ARL17B: variants seen among roughly 807,000 people sequenced by gnomAD.
The protein encoded by ARL17B is ARF like GTPase 17B, also known as ADP-ribosylation factor-like protein 17.
At chr17:46,289,270 C>G in intron 4 of ARL17B, among the ~76,000 whole-genome samples, 1 of 152,194 alleles carries the variant, frequency 6.6e-6, no homozygotes, top group Non-Finnish European at 1.5e-5. Flanking sequence ...ATAGCCTTGA[C>G]CTGCCAGGCT....
chr17:46,278,214 G>A (rs2049646083), intron 4 of ARL17B, among the ~76,000 whole-genome samples: 1 of 151,900 alleles, frequency 6.6e-6, no homozygotes, highest in African/African-American at 2.4e-5. Flanking sequence ...CCCAAGTGCT[G>A]GGATTACAGG....
downstream of ARL17B, chr17:46,332,719 T>A (rs1407649455): frequency 3.1e-6 from 2 of 644,160 alleles, no homozygotes; most frequent in Non-Finnish European, 5.1e-6. Context: ...GATTCAGAGC[T>A]CACAAACTGA....
intron 3 of ARL17B, among the ~76,000 whole-genome samples, chr17:46,319,253 A>AT (rs1369749031): frequency 6.5e-4 from 2 of 3,072 alleles, no homozygotes; most frequent in Admixed American, 3.4e-3. Context: ...TTTTTTTGCT[A>AT]TTTTTTTTGG....
intron 4 of ARL17B, among the ~76,000 whole-genome samples, chr17:46,290,757 T>C (rs995627899): frequency 2.8e-4 from 42 of 152,220 alleles, no homozygotes; most frequent in Admixed American, 6.5e-4. Context: ...TCTGAAGCTA[T>C]AGTTTTATAG....
In ARL17B at chr17:46,308,041, T is replaced by A; in HGVS notation, c.260-8376A>T. 2.7e-5 allele frequency among the ~76,000 whole-genome samples: 2 copies of A among 72,972 alleles called. 1 individual carries two copies. The highest frequency in any genetic ancestry group is 5.2e-4 in the East Asian group (2 of 3,868). The allele number at this position is 72,972 out of a possible 152,430, so 47.9% of individuals were successfully genotyped here. A position where few individuals can be genotyped will look rare whatever the true frequency, so the allele number is the denominator to read the frequency against. On this transcript the variant is annotated intron_variant, in intron 3 of 4. Transcript: ENST00000434041. The stretch of plus-strand genomic sequence containing the variant: ...AATAATAATAATATAATAATAATAA[T>A]CATCATCATCATCTAGCCAGCTTCA...
Position 46,277,931 on chromosome 17 carries a change from C to A in ARL17B, c.*22-2513G>T, listed in dbSNP as rs144470857. 1.9e-3 allele frequency among the ~76,000 whole-genome samples: 290 copies of A among 152,162 alleles called. 2 individuals are homozygous for A. The highest frequency in any genetic ancestry group is 3.6e-3 in the African/African-American group (151 of 41,524). On this transcript the variant is annotated intron_variant, in intron 4 of 4. Transcript: ENST00000570618. The stretch of plus-strand genomic sequence containing the variant: ...TGCTAGGATTACGGACATGAGCCAC[C>A]ATGCCTGGTCTGGGTAGATTTTTTT...
chr17:46,291,969 C>CAAAAAAAAAAAAAAAAAAAAAAAAA (rs59554870), intron 4 of ARL17B, among the ~76,000 whole-genome samples: 1 of 58,090 alleles, frequency 1.7e-5, no homozygotes, highest in African/African-American at 7.2e-5. Flanking sequence ...TCTCAAAAAG[C>CAAAAAAAAAAAAAAAAAAAAAAAAA]AAAAAAAAAA....
chr17:46,277,915 T>A (rs1419569159), intron 4 of ARL17B, among the ~76,000 whole-genome samples: 7 of 152,142 alleles, frequency 4.6e-5, no homozygotes, highest in Non-Finnish European at 8.8e-5. Context: ...GTGCTAGGAT[T>A]ACGGACATGA....
chr17:46,275,431 G>T, intron 4 of ARL17B: 1 of 917,338 alleles, frequency 1.1e-6, no homozygotes, highest in South Asian at 1.4e-5. Flanking sequence ...ACAGAGTATA[G>T]AAAAAGGGAA....
intron 4 of ARL17B, among the ~76,000 whole-genome samples, chr17:46,283,596 C>G (rs1210861782): frequency 6.6e-6 from 1 of 152,216 alleles, no homozygotes; most frequent in African/African-American, 2.4e-5. Flanking sequence ...AAAGCTTGGT[C>G]GGAAGACCTT....
intron 4 of ARL17B, among the ~76,000 whole-genome samples, chr17:46,279,046 C>T (rs996001425): frequency 3.5e-4 from 53 of 152,302 alleles, no homozygotes; most frequent in African/African-American, 1.0e-3. Flanking sequence ...GATCCACATG[C>T]CTTGGCCTCC....
intron 4 of ARL17B, among the ~76,000 whole-genome samples, chr17:46,280,458 G>A (rs971950063): frequency 2.6e-5 from 4 of 152,128 alleles, no homozygotes; most frequent in Non-Finnish European, 4.4e-5. Context: ...CGGGAGGATC[G>A]CTTGAGCTCA....
At chr17:46,306,068 A>G (rs1358351577) in intron 3 of ARL17B, among the ~76,000 whole-genome samples, 1 of 80,906 alleles carries the variant, frequency 1.2e-5, no homozygotes, top group Admixed American at 1.3e-4. Context: ...GTGCAGTGTT[A>G]AAGTATAAAT....
rs1277539568 is a variant in ARL17B at position 46,340,907 on chromosome 17, C to CTT, written c.260-1135_260-1134dup. ...CCTAGAAAAAGGGACCTCTTTTATT[C>CTT]TTTTTTTTTTTTTTTCCAGAGACGG... On this transcript the variant is annotated intron_variant, in intron 3 of 3. Coordinates refer to ENST00000450673, the MANE Select transcript of ARL17B (RefSeq NM_001039083.5). 5.3e-5 allele frequency among the ~76,000 whole-genome samples: 4 copies of CTT among 76,110 alleles called. No individual in the cohort carries two copies. The South Asian group carries it at 1.5e-3, about 29-fold the overall frequency. 49.9% of individuals were successfully genotyped at this position (76,110 alleles called of 152,430 possible). A position where few individuals can be genotyped will look rare whatever the true frequency, so the allele number is the denominator to read the frequency against.
At chr17:46,317,152 C>A (rs1367522855) in intron 3 of ARL17B, among the ~76,000 whole-genome samples, 2 of 88,570 alleles carry the variant, frequency 2.3e-5, no homozygotes, top group African/African-American at 6.0e-5. Flanking sequence ...GGGTGGCGGC[C>A]GGGCAGAGGC....
chr17:46,332,848 C>T (rs1324690582), downstream of ARL17B, among the ~76,000 whole-genome samples: 1 of 149,582 alleles, frequency 6.7e-6, no homozygotes, highest in Non-Finnish European at 1.5e-5. Context: ...AAAGGATCCT[C>T]GCTTTCAGAT....
chr17:46,276,542 G>A (rs1417031138), intron 4 of ARL17B, among the ~76,000 whole-genome samples: 2 of 152,110 alleles, frequency 1.3e-5, no homozygotes, highest in Non-Finnish European at 2.9e-5. Context: ...GAATATGGAT[G>A]GTATAAATGA....
chr17:46,276,793 T>TC, intron 4 of ARL17B, among the ~76,000 whole-genome samples: 1 of 150,366 alleles, frequency 6.7e-6, no homozygotes, highest in East Asian at 1.9e-4. Flanking sequence ...TTTTTTTCTT[T>TC]TTTTTTTTTT....
rs1410808478 is a variant in ARL17B, at chr17:46,327,301, C to G, written c.259+25519G>C. Among the ~76,000 whole-genome samples, 4 of 57,660 alleles carry G rather than the reference C, an allele frequency of 6.9e-5. No homozygotes were observed. In the Admixed American group the frequency reaches 7.7e-4, roughly 11 times the overall value. 37.8% of individuals were successfully genotyped at this position (57,660 alleles called of 152,430 possible). Reference sequence around the variant, plus strand: ...CTCTCCATTGTAATTATTTTGCTGGCTACAGTGGCTCCCACTTGTAATCCC... The same window carrying G: ...CTCTCCATTGTAATTATTTTGCTGGGTACAGTGGCTCCCACTTGTAATCCC... On this transcript the variant is annotated intron_variant, in intron 3 of 4. Transcript: ENST00000434041.
Sources: allele counts gnomAD v4.1 joint callset (sites outside exome capture counted in the v4.1 genomes callset), GRCh38; gene constraint gnomAD v4.1.1; transcripts MANE v1.5; gene names NCBI Gene and HGNC (gene_info 2026-07-23, HGNC 2026-07-21).